The following THOC2 variants were observed in gnomAD, a reference collection of about 807,000 sequenced individuals.
THOC2 encodes the protein THO complex subunit 2, also known as THO complex 2.
Under a neutral mutation model 128.4 loss-of-function variants are expected in THOC2, and 10 were observed. The observed-to-expected ratio is 0.08, with a 90% CI of 0.05 to 0.13. The LOEUF is 0.13. Ranked by LOEUF, THOC2 falls within the 10% of genes least tolerant of loss-of-function variation. The pLI, the probability that THOC2 is intolerant of heterozygous loss-of-function variation, is 1.00. For synonymous variants in THOC2, 393 were observed against 396.9 expected (o/e 0.99, Z 0.12); for missense variants, 535 against 1,155.7 (o/e 0.46, Z 7.79).
At position 123,623,799 on chromosome X, in the gene THOC2, G is replaced by A; in HGVS notation, c.3491C>T (p.Ala1164Val). 8.3e-7 allele frequency: 1 copy of A among 1,207,465 alleles called. No individual in the cohort carries two copies. The highest frequency in any genetic ancestry group is 1.1e-6 in the Non-Finnish European group (1 of 893,051). Residue 1164 changes from alanine to valine, a missense_variant, in exon 28 of 39, where the codon GCA becomes GTA. Physicochemically the swap from Ala to Val is moderately conservative, Grantham distance 64. Around this residue, in one of 9 missense-constraint regions of THOC2, gnomAD observed 20 missense variants for 67.0 expected, o/e 0.30. Coordinates refer to ENST00000245838, the MANE Select transcript of THOC2 (RefSeq NM_001081550.2). ...ATAATTTTGTTACCCCATAGCCAAT[G>A]CATATAGATCTGGCCTCTTCTCTTT... ...EEKEKRPDLY[A>V]LAMGYSGQLK...
chrX:123,624,793 T>C, intron 25 of THOC2, 124 bp from the exon 26 acceptor site: 2 of 603,989 alleles, frequency 3.3e-6, no homozygotes, highest in Non-Finnish European at 2.4e-6. Flanking sequence ...GTATATTCCC[T>C]TTATATAATG....
intron 4 of THOC2, among the ~76,000 whole-genome samples, chrX:123,702,741 C>T (rs901180750): frequency 1.9e-5 from 2 of 106,561 alleles, no homozygotes; most frequent in East Asian, 2.9e-4. Flanking sequence ...CCAGCCTGGT[C>T]GAAAGAGTAA....
intron 4 of THOC2, among the ~76,000 whole-genome samples, 158 bp from the exon 5 acceptor site, chrX:123,697,909 G>A (rs530143453): frequency 4.4e-4 from 49 of 111,645 alleles, no homozygotes; most frequent in Non-Finnish European, 2.8e-4. Flanking sequence ...TTATATGAAT[G>A]CTTTAATTTC....
intron 1 of THOC2, among the ~76,000 whole-genome samples, chrX:123,717,303 C>A (rs2051467342): frequency 9.0e-6 from 1 of 110,856 alleles, no homozygotes; most frequent in Non-Finnish European, 1.9e-5. Flanking sequence ...AAAATCAACA[C>A]ACAAAAATAG....
At chrX:123,709,951 C>A (rs945672720) in intron 2 of THOC2, among the ~76,000 whole-genome samples, 12 of 111,092 alleles carry the variant, frequency 1.1e-4, no homozygotes, top group African/African-American at 3.9e-4. Flanking sequence ...ATAAAAGAAA[C>A]AAGGAGAAGC....
At chrX:123,601,775 A>G (rs1312497661) in intron 38 of THOC2, 1 of 111,499 alleles carries the variant, frequency 9.0e-6, no homozygotes, top group Non-Finnish European at 1.9e-5. Context: ...AACAAGTAAA[A>G]CATTCCACAA....
chrX:123,637,994 C>G (rs752685806), intron 18 of THOC2, 49 bp downstream of exon 18: 3 of 900,304 alleles, frequency 3.3e-6, no homozygotes, highest in African/African-American at 3.9e-5. Context: ...CATAACATGG[C>G]AGTTACCACA....
At chrX:123,672,444 A>G (rs1256098486) in intron 8 of THOC2, among the ~76,000 whole-genome samples, 1 of 111,083 alleles carries the variant, frequency 9.0e-6, no homozygotes, top group African/African-American at 3.3e-5. Flanking sequence ...GCTGATACAC[A>G]TGTGTGTTTT....
intron 1 of THOC2, among the ~76,000 whole-genome samples, chrX:123,725,466 T>C (rs1351358411): frequency 1.9e-5 from 2 of 104,535 alleles, no homozygotes; most frequent in African/African-American, 7.0e-5. Context: ...AGTAGCCAAG[T>C]GTGGTGGCAC....
At position 123,706,943 on chromosome X, in the gene THOC2, T is replaced by C; in HGVS notation, c.137A>G (p.Gln46Arg). 1 of 1,108,055 alleles carries C rather than the reference T, an allele frequency of 9.0e-7. No individual in the cohort carries two copies. Among genetic ancestry groups the C allele is most frequent in the Non-Finnish European group, 1.2e-6 (1 of 826,361 alleles). The allele number at this position is 1,108,055 out of a possible 1,213,427, so 91.3% of individuals were successfully genotyped here. The change falls in exon 3 of 39, where the codon CAG becomes CGG. Residue 46 changes from glutamine to arginine, a missense_variant. Around this residue, in one of 9 missense-constraint regions of THOC2, gnomAD observed 61 missense variants for 84.3 expected, o/e 0.72. Transcript: ENST00000245838. ...SHDSSTYRDF[Q>R]QALYELSYHV... is the part of the protein sequence containing the mutation. Reference sequence around the variant, plus strand: ...ATATGACAACTCATAGAGAGCTTGCTGGAAATCTGTTGAACATAAGAGAAA... The same window carrying C: ...ATATGACAACTCATAGAGAGCTTGCCGGAAATCTGTTGAACATAAGAGAAA...
At chrX:123,725,773 T>C (rs1377096209) in intron 1 of THOC2, among the ~76,000 whole-genome samples, 5 of 111,515 alleles carry the variant, frequency 4.5e-5, no homozygotes, top group African/African-American at 1.3e-4. Context: ...TCAGAAGATA[T>C]AACCTAAAAA....
At chrX:123,711,958 T>TAA (rs55916247) in intron 2 of THOC2, among the ~76,000 whole-genome samples, 13,447 of 46,735 alleles carry the variant, frequency 0.29, 2,430 homozygotes, top group Non-Finnish European at 0.37. Context: ...CTGTCTACTT[T>TAA]AAAAAAAAAA....
intron 1 of THOC2, among the ~76,000 whole-genome samples, chrX:123,715,615 C>T (rs767665166): frequency 6.5e-5 from 7 of 107,232 alleles, no homozygotes; most frequent in Middle Eastern, 4.8e-3. Flanking sequence ...AACCCTCTCT[C>T]TACAAAAAAA....
chrX:123,656,330 TAAAAAAAAAAA>T (rs758091588), intron 12 of THOC2, among the ~76,000 whole-genome samples: 19 of 37,966 alleles, frequency 5.0e-4, no homozygotes, highest in Admixed American at 1.8e-3. Context: ...AGACTCCGTC[TAAAAAAAAAAA>T]AAAAAAAAAA....
intron 10 of THOC2, among the ~76,000 whole-genome samples, chrX:123,667,681 A>G (rs1465518629): frequency 9.0e-6 from 1 of 110,792 alleles, no homozygotes; most frequent in Non-Finnish European, 1.9e-5. Flanking sequence ...GAAGGCTGCA[A>G]TGAGCTGTAA....
chrX:123,700,177 G>A (rs995307200), intron 4 of THOC2, among the ~76,000 whole-genome samples: 42 of 109,084 alleles, frequency 3.9e-4, no homozygotes, highest in Non-Finnish European at 7.4e-4. Context: ...TAGCTCTCAT[G>A]CCCCCTCACC....
At chrX:123,638,728 A>G (rs2047777865) in intron 17 of THOC2, among the ~76,000 whole-genome samples, 1 of 80,966 alleles carries the variant, frequency 1.2e-5, no homozygotes, top group South Asian at 4.8e-4. Flanking sequence ...ACACACACGT[A>G]CACACACACA....
At chrX:123,624,454 TTC>T (rs1365670757) in intron 26 of THOC2, 85 bp downstream of exon 26, 13 of 990,090 alleles carry the variant, frequency 1.3e-5, no homozygotes, top group Non-Finnish European at 1.8e-5. Flanking sequence ...TAAACTCAGC[TTC>T]TCTTTTAAAA....
chrX:123,684,296 A>G (rs1462266680), intron 8 of THOC2, among the ~76,000 whole-genome samples: 1 of 112,066 alleles, frequency 8.9e-6, no homozygotes, highest in African/African-American at 3.2e-5. Flanking sequence ...ACCTGTCACT[A>G]AAGCAGTTGG....
Sources: allele counts gnomAD v4.1 joint callset (sites outside exome capture counted in the v4.1 genomes callset), GRCh38; gene constraint gnomAD v4.1.1; regional missense constraint gnomAD v4.1.1; transcripts MANE v1.5; gene names NCBI Gene and HGNC (gene_info 2026-07-23, HGNC 2026-07-21).